The following KRIT1 variants were observed in gnomAD, a reference collection of about 807,000 sequenced individuals.
KRIT1 encodes krev interaction trapped protein 1.
In KRIT1, 45 loss-of-function variants were observed where a neutral mutation model predicts 95.8. The ratio of observed to expected loss-of-function variants is 0.47; its 90% CI spans 0.37 to 0.60. The LOEUF (loss-of-function observed/expected upper bound fraction) is 0.60. KRIT1 is among the 20% of genes least tolerant of loss of function. The pLI is 0.00. For synonymous variants in KRIT1, 282 were observed against 278.8 expected (o/e 1.01, Z -0.11); for missense variants, 788 against 877.5 (o/e 0.90, Z 1.29).
chr7:92,245,369 C>T (rs1800701823), intron 1 of KRIT1, 198 bp from the exon 2 acceptor site: 1 of 151,912 alleles, frequency 6.6e-6, no homozygotes, highest in Non-Finnish European at 1.5e-5. Flanking sequence ...CAAAGAGTTT[C>T]CACCCAAAAA....
At chr7:92,213,841 A>T (rs1381668424) in intron 16 of KRIT1, 51 bp downstream of exon 16, 1 of 1,048,108 alleles carries the variant, frequency 9.5e-7, no homozygotes, top group African/African-American at 1.6e-5. Context: ...AACACTAACA[A>T]AGTTTCAACT....
In KRIT1 at chr7:92,241,013, G is replaced by A. The variant is rs781265273; in HGVS notation, c.242C>T (p.Pro81Leu). ...CCTACCTCTGATACCCTGGTTTGCAGGAGAAATTGGTTTGGTGGTTTCTAC... is the reference window on the plus strand; with the variant it reads ...CCTACCTCTGATACCCTGGTTTGCAAGAGAAATTGGTTTGGTGGTTTCTAC... ...YVVETTKPIS[P>L]ANQGIRGKRV... is the part of the protein sequence containing the mutation. Residue 81 changes from proline to leucine, a missense_variant, in exon 5 of 19, where the codon CCT becomes CTT. Coordinates refer to ENST00000394505, the MANE Select transcript of KRIT1 (RefSeq NM_194454.3). 6.2e-7 allele frequency: 1 copy of A among 1,612,218 alleles called. No individual in the cohort carries two copies. Among genetic ancestry groups the A allele is most frequent in the Non-Finnish European group, 8.5e-7 (1 of 1,178,312 alleles).
rs927746086 is a variant in KRIT1 at position 92,219,985 on chromosome 7, G to T, written c.1563+1917C>A. 1.3e-5 allele frequency among the ~76,000 whole-genome samples: 2 copies of T among 152,172 alleles called. 1 individual carries two copies. Among genetic ancestry groups the T allele is most frequent in the Non-Finnish European group, 2.9e-5 (2 of 68,034 alleles). ...TCAGCTTATACCTTGAAACTTCGCTGAATTAATTTAGTAGCTCTAGCTTTC... is the reference window on the plus strand; with the variant it reads ...TCAGCTTATACCTTGAAACTTCGCTTAATTAATTTAGTAGCTCTAGCTTTC... On this transcript the variant is annotated intron_variant, in intron 14 of 18. Transcript: ENST00000394505.
chr7:92,201,959 A>G (rs1320195822), intron 17 of KRIT1, among the ~76,000 whole-genome samples: 1 of 152,222 alleles, frequency 6.6e-6, no homozygotes, highest in Non-Finnish European at 1.5e-5. Flanking sequence ...TATAAGATTG[A>G]CAAACATTTT....
At chr7:92,214,977 A>G (rs549192436) in intron 14 of KRIT1, among the ~76,000 whole-genome samples, 200 bp from the exon 15 acceptor site, 1 of 152,322 alleles carries the variant, frequency 6.6e-6, no homozygotes, top group Admixed American at 6.5e-5. Context: ...CGCTGTTGCA[A>G]CTAATCAACT....
chr7:92,242,878 A>G (rs774241371), intron 3 of KRIT1, among the ~76,000 whole-genome samples: 2 of 152,060 alleles, frequency 1.3e-5, no homozygotes, highest in Non-Finnish European at 2.9e-5. Context: ...TGCAGTGACA[A>G]TCTCGCCTCA....
intron 15 of KRIT1, 40 bp downstream of exon 15, chr7:92,214,571 T>G: frequency 6.8e-7 from 1 of 1,469,800 alleles, no homozygotes; most frequent in Non-Finnish European, 9.5e-7. Flanking sequence ...AACAGAATCT[T>G]AAGCATAGCA....
chr7:92,232,710 T>C (rs1435443416), intron 10 of KRIT1, among the ~76,000 whole-genome samples: 2 of 152,178 alleles, frequency 1.3e-5, no homozygotes, highest in Non-Finnish European at 2.9e-5. Flanking sequence ...TTCCTTTTTT[T>C]TGAGATGGAG....
At chr7:92,217,536 T>C (rs1794238805) in intron 14 of KRIT1, among the ~76,000 whole-genome samples, 2 of 152,210 alleles carry the variant, frequency 1.3e-5, no homozygotes, top group African/African-American at 4.8e-5. Flanking sequence ...ATTTGTTCTT[T>C]TGTGTCTGGT....
At chr7:92,231,687 T>C (rs1184723296) in intron 10 of KRIT1, among the ~76,000 whole-genome samples, 1 of 152,188 alleles carries the variant, frequency 6.6e-6, no homozygotes, top group Non-Finnish European at 1.5e-5. Flanking sequence ...CTTTACTGAA[T>C]AGTTAAATCA....
intron 11 of KRIT1, among the ~76,000 whole-genome samples, chr7:92,226,244 C>T (rs1796184807): frequency 6.6e-6 from 1 of 151,946 alleles, no homozygotes; most frequent in Non-Finnish European, 1.5e-5. Flanking sequence ...TATAAATGTA[C>T]TTAATGCCAC....
intron 13 of KRIT1, 27 bp from the exon 14 acceptor site, chr7:92,222,080 T>C (rs759314769): frequency 3.1e-6 from 5 of 1,594,910 alleles, no homozygotes; most frequent in Admixed American, 1.7e-5. Context: ...CTTTTATAAA[T>C]GATAATGTAA....
chr7:92,213,354 C>T lies in KRIT1; in HGVS notation c.1866G>A (p.Gln622=). ...CCCAGCAATTCTGTAAGAACATGCG[C>T]TGAAGGTGATGCATTTCTTTACTGA... is the stretch of plus-strand genomic sequence containing the variant. ...EGVSKEMHHL[Q]RMFLQNCWEI... The change falls in exon 17 of 19, where the codon CAG becomes CAA. Residue 622 remains glutamine, a synonymous_variant. Transcript: ENST00000394505. The T allele has an allele frequency of 1.2e-6, 2 of 1,613,604 alleles. No homozygotes were observed. The highest frequency in any genetic ancestry group is 1.7e-6 in the Non-Finnish European group (2 of 1,179,672).
At chr7:92,243,152 C>CTG (rs151222836) in intron 3 of KRIT1, among the ~76,000 whole-genome samples, 19 of 151,494 alleles carry the variant, frequency 1.3e-4, no homozygotes, top group Non-Finnish European at 2.4e-4. Context: ...AATATATTCA[C>CTG]TGTGTGTGTG....
Position 92,241,945 on chromosome 7 carries a change from CT to C in KRIT1, c.102+88del, listed in dbSNP as rs1347040199. 4 of 798,614 alleles carry C rather than the reference CT, an allele frequency of 5.0e-6. No individual in the cohort carries two copies. The East Asian group carries it at 1.0e-4, about 20-fold the overall frequency. The allele number at this position is 798,614 out of a possible 1,614,324, so 49.5% of individuals were successfully genotyped here. A position where few individuals can be genotyped will look rare whatever the true frequency, so the allele number is the denominator to read the frequency against. ...TAAAATAATTGGCTTGTTAATACAA[CT>C]TTACAAGATATAATAAGGCTTTATA... On this transcript the variant is annotated intron_variant, in intron 4 of 18. Transcript: ENST00000394505.
At chr7:92,223,426 G>C (rs1196914887) in intron 12 of KRIT1, among the ~76,000 whole-genome samples, 3 of 140,958 alleles carry the variant, frequency 2.1e-5, no homozygotes, top group East Asian at 4.1e-4. Context: ...CTGGGTGACA[G>C]AGCAAGACTC....
chr7:92,216,853 C>T lies in KRIT1; in HGVS notation c.1564-2076G>A, dbSNP rs1794102978. 3.3e-5 allele frequency among the ~76,000 whole-genome samples: 5 copies of T among 152,164 alleles called. 1 individual carries two copies. In the South Asian group the frequency reaches 1.0e-3, roughly 32 times the overall value. Reference sequence around the variant, plus strand: ...TTTGAAGAATATGAGTAGATAATAACAGTTACAATTTCCAATACCATGTTC... The same window carrying T: ...TTTGAAGAATATGAGTAGATAATAATAGTTACAATTTCCAATACCATGTTC... On this transcript the variant is annotated intron_variant, in intron 14 of 18. Coordinates refer to ENST00000394505, the MANE Select transcript of KRIT1 (RefSeq NM_194454.3).
At chr7:92,233,748 G>A (rs1797826010) in intron 10 of KRIT1, among the ~76,000 whole-genome samples, 1 of 152,134 alleles carries the variant, frequency 6.6e-6, no homozygotes, top group Non-Finnish European at 1.5e-5. Flanking sequence ...TAAACAATAG[G>A]TGAAGAGCAA....
At chr7:92,222,796 C>T (rs758624533) in intron 13 of KRIT1, 26 bp downstream of exon 13, 1 of 1,426,664 alleles carries the variant, frequency 7.0e-7, no homozygotes, top group Admixed American at 1.7e-5. Context: ...ATGAGGTTTA[C>T]TATAACATAA....
Sources: allele counts gnomAD v4.1 joint callset (sites outside exome capture counted in the v4.1 genomes callset), GRCh38; gene constraint gnomAD v4.1.1; transcripts MANE v1.5; gene names NCBI Gene and HGNC (gene_info 2026-07-23, HGNC 2026-07-21).